LAPTM4B: variants seen among roughly 807,000 people sequenced by gnomAD.
The protein encoded by LAPTM4B is lysosomal-associated transmembrane protein 4B.
LAPTM4B carries 26 observed loss-of-function variants against 28.5 expected under a neutral mutation model. The observed-to-expected ratio is 0.91, with a 90% CI of 0.67 to 1.27. The LOEUF (loss-of-function observed/expected upper bound fraction) is 1.27. Ranked by LOEUF, LAPTM4B falls within the 50% of genes most tolerant of loss-of-function variation. The pLI is 0.00. For synonymous variants in LAPTM4B, 109 were observed against 106.4 expected (o/e 1.02, Z -0.15); for missense variants, 288 against 285.8 (o/e 1.01, Z -0.06).
At position 97,834,729 on chromosome 8, in the gene LAPTM4B, G is replaced by A. The variant is rs535636925; in HGVS notation, c.603+9576G>A. On this transcript the variant is annotated intron_variant, in intron 6 of 6. Coordinates refer to ENST00000521545, the MANE Select transcript of LAPTM4B (RefSeq NM_018407.6). ...GTGAGCTACTGAGACCACCCTAGTA[G>A]TCTTTGATTGCTTTCTTATTGTCTG... 5.9e-5 allele frequency among the ~76,000 whole-genome samples: 9 copies of A among 152,212 alleles called. No homozygotes were observed. The South Asian group carries it at 1.9e-3, about 32-fold the overall frequency.
intron 2 of LAPTM4B, among the ~76,000 whole-genome samples, chr8:97,806,103 C>T (rs1355489378): frequency 6.6e-6 from 1 of 152,154 alleles, no homozygotes; most frequent in African/African-American, 2.4e-5. Flanking sequence ...GTGAGTTTTT[C>T]TTAAAAAGTG....
At chr8:97,845,321 CTTTG>C (rs1024610307) in intron 6 of LAPTM4B, among the ~76,000 whole-genome samples, 5 of 150,476 alleles carry the variant, frequency 3.3e-5, no homozygotes, top group Non-Finnish European at 7.4e-5. Context: ...CTAACACTTG[CTTTG>C]TTTTTTTTTG....
intron 5 of LAPTM4B, among the ~76,000 whole-genome samples, chr8:97,824,339 CTA>C (rs899647430): frequency 1.3e-5 from 2 of 152,092 alleles, no homozygotes; most frequent in African/African-American, 4.8e-5. Flanking sequence ...TCTAGTTTCT[CTA>C]TGTGTTTAAA....
At chr8:97,779,791 C>T (rs898136144) in intron 1 of LAPTM4B, among the ~76,000 whole-genome samples, 2 of 150,318 alleles carry the variant, frequency 1.3e-5, no homozygotes, top group South Asian at 2.1e-4. Context: ...GGGTGGCTCA[C>T]GCCTATAATC....
chr8:97,814,372 G>A (rs10098808), intron 2 of LAPTM4B, among the ~76,000 whole-genome samples: 14,725 of 151,966 alleles, frequency 0.097, 2,383 homozygotes, highest in African/African-American at 0.33. Flanking sequence ...TTGGCATGGT[G>A]GAGCACACCT....
At chr8:97,820,454 T>A (rs2129802734) in intron 5 of LAPTM4B, among the ~76,000 whole-genome samples, 1 of 152,230 alleles carries the variant, frequency 6.6e-6, no homozygotes, top group East Asian at 1.9e-4. Context: ...TGTCTTAATT[T>A]TGGCATAAAA....
Position 97,815,342 on chromosome 8 carries a change from A to C in LAPTM4B, c.226A>C (p.Ile76Leu), listed in dbSNP as rs779981812. ...TCTTTCGGCAGACATGTGCATTGCC[A>C]TTGCGATTTCTCTTCTCATGATCCT... is the stretch of plus-strand genomic sequence containing the variant. ...FMDDANMCIA[I>L]AISLLMILIC... The change falls in exon 3 of 7, where the codon ATT becomes CTT. Residue 76 changes from isoleucine (I) to leucine (L), a missense_variant. Transcript: ENST00000521545. The C allele has an allele frequency of 6.2e-6, 10 of 1,614,024 alleles. No individual in the cohort carries two copies. Among genetic ancestry groups the C allele is most frequent in the Middle Eastern group, 1.7e-4 (1 of 6,048 alleles).
intron 6 of LAPTM4B, among the ~76,000 whole-genome samples, chr8:97,831,380 G>A (rs901608627): frequency 9.2e-5 from 14 of 152,350 alleles, no homozygotes; most frequent in Admixed American, 3.3e-4. Context: ...GAACATAGGT[G>A]TGAAATCTAT....
rs754674102 is a variant in LAPTM4B at position 97,775,789 on chromosome 8, TC to T, written c.-217del. 5.2e-6 allele frequency: 8 copies of T among 1,540,358 alleles called. No homozygotes were observed. Among genetic ancestry groups the T allele is most frequent in the South Asian group, 2.3e-5 (2 of 86,766 alleles). On this transcript the variant is annotated 5_prime_UTR_variant, in exon 1 of 7. Transcript: ENST00000521545. ...CCAAGTCCGCCCCGCCCCCTCCCCG[TC>T]CCCGCCGCTGCAGCGGTCGCCTTCG...
chr8:97,783,002 A>T (rs1016809175), intron 1 of LAPTM4B, among the ~76,000 whole-genome samples: 4 of 145,606 alleles, frequency 2.7e-5, no homozygotes, highest in Non-Finnish European at 4.5e-5. Flanking sequence ...CAAACTCCCG[A>T]CCTCAGGTGA....
chr8:97,791,310 A>T (rs531874234), intron 1 of LAPTM4B, among the ~76,000 whole-genome samples: 1 of 152,166 alleles, frequency 6.6e-6, no homozygotes, highest in Non-Finnish European at 1.5e-5. Flanking sequence ...GTTCTTTAAG[A>T]CATGAAAGGG....
chr8:97,804,330 A>G (rs1393681302), intron 1 of LAPTM4B, among the ~76,000 whole-genome samples: 1 of 152,232 alleles, frequency 6.6e-6, no homozygotes, highest in African/African-American at 2.4e-5. Context: ...GGAAGAATAA[A>G]GGAAATAGAA....
At chr8:97,848,549 G>A (rs2129861609) in intron 6 of LAPTM4B, among the ~76,000 whole-genome samples, 1 of 152,280 alleles carries the variant, frequency 6.6e-6, no homozygotes, top group South Asian at 2.1e-4. Flanking sequence ...GTCGGCCACA[G>A]TGGCTCATGC....
At chr8:97,781,762 G>T (rs1816323982) in intron 1 of LAPTM4B, among the ~76,000 whole-genome samples, 1 of 152,154 alleles carries the variant, frequency 6.6e-6, no homozygotes, top group African/African-American at 2.4e-5. Flanking sequence ...TATGCTGTGT[G>T]TACCCTTCTG....
chr8:97,812,218 TTGTTTTTTG>T (rs1317418297), intron 2 of LAPTM4B, among the ~76,000 whole-genome samples: 1 of 23,620 alleles, frequency 4.2e-5, no homozygotes, highest in Non-Finnish European at 2.1e-4. Context: ...TTTTTTTTTG[TTGTTTTTTG>T]TTTTTTTTTT....
chr8:97,827,048 G>C (rs1260142858), intron 6 of LAPTM4B, among the ~76,000 whole-genome samples: 2 of 152,194 alleles, frequency 1.3e-5, no homozygotes, highest in African/African-American at 2.4e-5. Flanking sequence ...TCTTTTAGAA[G>C]TATCTCAGAG....
At chr8:97,799,933 A>G (rs1261418608) in intron 1 of LAPTM4B, among the ~76,000 whole-genome samples, 1 of 151,710 alleles carries the variant, frequency 6.6e-6, no homozygotes, top group African/African-American at 2.4e-5. Context: ...TCTTTTCCAC[A>G]CCTCTCAGGC....
intron 5 of LAPTM4B, among the ~76,000 whole-genome samples, chr8:97,820,673 A>C (rs1039514200): frequency 6.6e-6 from 1 of 151,960 alleles, no homozygotes; most frequent in Non-Finnish European, 1.5e-5. Context: ...GTGAGGCTGT[A>C]GTGTGCTATG....
At chr8:97,840,747 G>T (rs938236310) in intron 6 of LAPTM4B, among the ~76,000 whole-genome samples, 2 of 152,192 alleles carry the variant, frequency 1.3e-5, no homozygotes, top group African/African-American at 4.8e-5. Flanking sequence ...ACACTTAGAA[G>T]GTTGCACAGC....
Sources: allele counts gnomAD v4.1 joint callset (sites outside exome capture counted in the v4.1 genomes callset), GRCh38; gene constraint gnomAD v4.1.1; transcripts MANE v1.5; gene names NCBI Gene and HGNC (gene_info 2026-07-23, HGNC 2026-07-21).